The following RFC1 variants were observed in gnomAD, a reference collection of about 807,000 sequenced individuals.
The protein encoded by RFC1 is replication factor C subunit 1, also known as A1 140 kDa subunit.
RFC1 carries 37 observed loss-of-function variants against 137.4 expected under a neutral mutation model. The observed-to-expected ratio is 0.27, with a 90% CI of 0.21 to 0.35. The LOEUF is 0.35. Among genes scored for constraint, RFC1 ranks in the 10% least tolerant of loss-of-function variants. The pLI is 1.00. For synonymous variants in RFC1, 429 were observed against 455.7 expected, an observed-to-expected ratio of 0.94 and a Z score of 0.75; for missense variants, 1,205 against 1,358.5, an observed-to-expected ratio of 0.89 and a Z score of 1.78.
chr4:39,302,188 G>A, intron 19 of RFC1, 90 bp downstream of exon 19: 1 of 774,274 alleles, frequency 1.3e-6, no homozygotes, highest in East Asian at 2.6e-5. Flanking sequence ...GCATACCAAG[G>A]AACTATAATA....
chr4:39,360,834 C>T (rs891806430), intron 1 of RFC1, among the ~76,000 whole-genome samples: 4 of 152,152 alleles, frequency 2.6e-5, no homozygotes, highest in East Asian at 1.9e-4. Context: ...TGCTGCAGAG[C>T]GGTTGACAAA....
intron 1 of RFC1, among the ~76,000 whole-genome samples, chr4:39,358,960 T>C (rs1304543909): frequency 6.6e-6 from 1 of 152,184 alleles, no homozygotes; most frequent in Non-Finnish European, 1.5e-5. Flanking sequence ...GCAGCCAACA[T>C]GCAGCCAAAT....
intron 22 of RFC1, among the ~76,000 whole-genome samples, chr4:39,295,309 T>C (rs191444726): frequency 1.3e-5 from 2 of 152,342 alleles, no homozygotes; most frequent in East Asian, 3.9e-4. Flanking sequence ...TTCCCACTAA[T>C]AGGCATAATA....
chr4:39,365,586 G>T, intron 1 of RFC1: 1 of 540,720 alleles, frequency 1.8e-6, no homozygotes, highest in Non-Finnish European at 2.4e-6. Context: ...GTGGTAAGAG[G>T]ATGACAGCTG....
At chr4:39,315,661 A>C (rs1156939926) in intron 10 of RFC1, among the ~76,000 whole-genome samples, 2 of 152,162 alleles carry the variant, frequency 1.3e-5, no homozygotes, top group African/African-American at 4.8e-5. Flanking sequence ...TGATCCACCA[A>C]GCTGCTCATG....
intron 10 of RFC1, among the ~76,000 whole-genome samples, chr4:39,314,323 T>C (rs892579752): frequency 3.3e-5 from 5 of 151,976 alleles, no homozygotes; most frequent in African/African-American, 9.7e-5. Context: ...CCTGGAAAAA[T>C]TGCACATGCA....
intron 11 of RFC1, among the ~76,000 whole-genome samples, chr4:39,311,890 T>C (rs1048077386): frequency 6.6e-6 from 1 of 152,214 alleles, no homozygotes; most frequent in Non-Finnish European, 1.5e-5. Flanking sequence ...CCATATTTAA[T>C]GCATATGGCA....
At chr4:39,320,727 C>T in intron 8 of RFC1, 58 bp from the exon 9 acceptor site, 1 of 1,471,766 alleles carries the variant, frequency 6.8e-7, no homozygotes, top group African/African-American at 1.4e-5. Flanking sequence ...TCTATATCAA[C>T]TTTTCTTTCA....
chr4:39,361,375 C>T (rs141448444), intron 1 of RFC1, among the ~76,000 whole-genome samples: 182 of 152,178 alleles, frequency 1.2e-3, no homozygotes, highest in African/African-American at 4.1e-3. Context: ...GGTAACAGCG[C>T]GACTGCGTTT....
intron 4 of RFC1, chr4:39,341,651 C>T (rs1328124945): frequency 1.5e-5 from 7 of 456,048 alleles, no homozygotes; most frequent in South Asian, 4.6e-5. Flanking sequence ...CGTATTATTC[C>T]GGTTATTGTC....
Position 39,300,341 on chromosome 4 carries a change from G to A in RFC1, c.2609C>T (p.Ser870Leu). ...TGAATAATCATGAAAAAAGAGATCT[G>A]ACTTGTCCACAAGTGACATGTGAGC... is the stretch of plus-strand genomic sequence containing the variant. Reference protein sequence around the residue: ...ETAHMSLVDKSDLFFHDYSIA... With the variant: ...ETAHMSLVDKLDLFFHDYSIA... The change falls in exon 20 of 25, where the codon TCA becomes TTA. Residue 870 changes from serine (S) to leucine (L), a missense_variant. By Grantham distance (145) the Ser-to-Leu change is moderately radical (BLOSUM62 -2). Around this residue, in one of 3 missense-constraint regions of RFC1, gnomAD observed 962 missense variants for 1,035.3 expected, o/e 0.93. Coordinates refer to ENST00000349703, the MANE Select transcript of RFC1 (RefSeq NM_002913.5). 1 of 1,613,828 alleles carries A rather than the reference G, an allele frequency of 6.2e-7. No homozygotes were observed. The highest frequency in any genetic ancestry group is 8.5e-7 in the Non-Finnish European group (1 of 1,179,762).
At chr4:39,351,501 A>G (rs772064431) in intron 1 of RFC1, 25 bp from the exon 2 acceptor site, 9 of 1,523,012 alleles carry the variant, frequency 5.9e-6, no homozygotes, top group East Asian at 2.4e-5. Flanking sequence ...CAGGAGATTC[A>G]CGAATAAACA....
At chr4:39,308,550 AT>A (rs1258955802) in intron 13 of RFC1, 85 bp downstream of exon 13, 12 of 1,500,346 alleles carry the variant, frequency 8.0e-6, no homozygotes, top group Non-Finnish European at 1.1e-5. Flanking sequence ...AGATGAATGA[AT>A]CGTTAGATTT....
intron 6 of RFC1, among the ~76,000 whole-genome samples, chr4:39,324,537 T>C (rs1000195076): frequency 7.6e-4 from 116 of 152,318 alleles, no homozygotes; most frequent in African/African-American, 2.6e-3. Flanking sequence ...TAATTCAGTG[T>C]GATCAAATAA....
At position 39,337,041 on chromosome 4, in the gene RFC1, G is replaced by A. The variant is rs535147872; in HGVS notation, c.331+5304C>T. 4.9e-4 allele frequency among the ~76,000 whole-genome samples: 75 copies of A among 152,248 alleles called. No individual in the cohort carries two copies. The South Asian group carries it at 0.014, about 29-fold the overall frequency. On this transcript the variant is annotated intron_variant, in intron 4 of 24. Coordinates refer to ENST00000349703, the MANE Select transcript of RFC1 (RefSeq NM_002913.5). ...AAAGATCTAGATTCTTCTACTGGGC[G>A]GGAAGGAAGAAGGGAGGGTTAAGCC...
In RFC1 at chr4:39,308,714, C is replaced by T; in HGVS notation, c.1807G>A (p.Gly603Ser). ...AGTTTGTTGGCACAGCTCTGGTCAC[C>T]TTGCTGTCCAATTATGGTCTTGAGC... ...TSLKTIIGQQ[G>S]DQSCANKLLR... Residue 603 changes from glycine to serine, a missense_variant, in exon 13 of 25, where the codon GGT becomes AGT. Transcript: ENST00000349703. The T allele has an allele frequency of 1.9e-6, 3 of 1,614,194 alleles. No individual in the cohort carries two copies. Among genetic ancestry groups the T allele is most frequent in the Non-Finnish European group, 1.7e-6 (2 of 1,180,024 alleles).
At chr4:39,323,964 GTCA>G (rs1354175402) in intron 6 of RFC1, among the ~76,000 whole-genome samples, 1 of 152,060 alleles carries the variant, frequency 6.6e-6, no homozygotes, top group Non-Finnish European at 1.5e-5. Context: ...GAAAATTTAA[GTCA>G]TCATGTCAGG....
intron 4 of RFC1, chr4:39,341,395 C>T (rs1740597513): frequency 2.9e-6 from 1 of 348,864 alleles, no homozygotes; most frequent in South Asian, 2.2e-5. Context: ...AGCAACAGCA[C>T]AAAAAGGTTA....
intron 14 of RFC1, among the ~76,000 whole-genome samples, chr4:39,306,267 A>C (rs528469250): frequency 1.9e-4 from 29 of 152,346 alleles, no homozygotes; most frequent in African/African-American, 7.0e-4. Context: ...AGAATTATTC[A>C]AAGGCATTAA....
Sources: gnomAD v4.1 joint callset for allele counts (sites outside exome capture counted in the v4.1 genomes callset) on GRCh38, gnomAD v4.1.1 for gene constraint, gnomAD v4.1.1 regional missense constraint, MANE v1.5 for transcripts, NCBI Gene and HGNC (gene_info 2026-07-23, HGNC 2026-07-21) for gene names.